Variants in KIF6 observed in about 807,000 individuals in gnomAD.
KIF6 encodes the protein kinesin-like protein KIF6.
In KIF6, 106 loss-of-function variants were observed where a neutral mutation model predicts 112.7. That is an observed-to-expected ratio of 0.94 (90% CI 0.80 to 1.11). The LOEUF (loss-of-function observed/expected upper bound fraction) is 1.11, where lower values mean the gene tolerates loss of function less well. Among genes scored for constraint, KIF6 ranks in the 50% least tolerant of loss-of-function variants. The pLI, the probability that KIF6 is intolerant of heterozygous loss-of-function variation, is 0.00. For missense variants in KIF6, 929 were observed against 964.0 expected, an observed-to-expected ratio of 0.96 and a Z score of 0.48; for synonymous variants, 339 against 339.9, an observed-to-expected ratio of 1.00 and a Z score of 0.03.
chr6:39,661,971 G>C (rs1786174337), intron 3 of KIF6, among the ~76,000 whole-genome samples: 1 of 152,056 alleles, frequency 6.6e-6, no homozygotes, highest in Admixed American at 6.6e-5. Context: ...AATTGTACTG[G>C]AGACCTTGGC....
In KIF6 at chr6:39,342,740, G is replaced by A. The variant is rs1209714059; in HGVS notation, c.2428+969C>T. 1.2e-5 allele frequency: 12 copies of A among 963,888 alleles called. No homozygotes were observed. The South Asian group carries it at 3.8e-4, about 31-fold the overall frequency. The allele number at this position is 963,888 out of a possible 1,614,324, so 59.7% of individuals were successfully genotyped here. ...TGCTGAGGCTGCTGGTCCTGGTGGT[G>A]AAGAGAGGATAGTAAATAAGCAGGC... On this transcript the variant is annotated intron_variant, in intron 22 of 22. Transcript: ENST00000287152. The surrounding 1 kb of genome is among the most constrained non-coding windows in gnomAD (Gnocchi z 4.7).
intron 18 of KIF6, among the ~76,000 whole-genome samples, chr6:39,358,292 T>C (rs1764867150): frequency 6.6e-6 from 1 of 152,240 alleles, no homozygotes; most frequent in African/African-American, 2.4e-5. Flanking sequence ...GTCACCTCTC[T>C]TGTTCTAATG....
intron 13 of KIF6, among the ~76,000 whole-genome samples, chr6:39,481,229 A>AATGTGTTC (rs1192917076): frequency 6.6e-6 from 1 of 152,182 alleles, no homozygotes; most frequent in Non-Finnish European, 1.5e-5. Flanking sequence ...GGAAATAATG[A>AATGTGTTC]ATGTGTTCAG....
chr6:39,700,850 C>T (rs1187764256), intron 3 of KIF6, among the ~76,000 whole-genome samples: 1 of 151,974 alleles, frequency 6.6e-6, no homozygotes, highest in African/African-American at 2.4e-5. Context: ...GTAGCTGGGA[C>T]TACAGGCACA....
chr6:39,596,902 A>G (rs1782302878), intron 6 of KIF6, among the ~76,000 whole-genome samples: 1 of 152,206 alleles, frequency 6.6e-6, no homozygotes, highest in South Asian at 2.1e-4. Flanking sequence ...AGATGAATAT[A>G]TAAAATCAAT....
chr6:39,396,886 G>A (rs559097340), intron 15 of KIF6, among the ~76,000 whole-genome samples: 2 of 152,160 alleles, frequency 1.3e-5, no homozygotes, highest in Non-Finnish European at 2.9e-5. Context: ...TATTGCAATT[G>A]TTTCTAAGGT....
At chr6:39,505,788 C>T (rs933205831) in intron 13 of KIF6, among the ~76,000 whole-genome samples, 7 of 152,126 alleles carry the variant, frequency 4.6e-5, no homozygotes, top group African/African-American at 1.7e-4. Flanking sequence ...AAATGCAGAT[C>T]AAAACCACAA....
At chr6:39,475,204 G>A (rs1390210064) in intron 13 of KIF6, among the ~76,000 whole-genome samples, 2 of 152,156 alleles carry the variant, frequency 1.3e-5, no homozygotes, top group African/African-American at 2.4e-5. Flanking sequence ...AATGGGGAGT[G>A]GGTGGAGATG....
At chr6:39,430,728 C>A (rs1771093651) in intron 14 of KIF6, among the ~76,000 whole-genome samples, 1 of 152,118 alleles carries the variant, frequency 6.6e-6, no homozygotes, top group Non-Finnish European at 1.5e-5. Context: ...AGACTTTTTC[C>A]CCCCTCCTTT....
chr6:39,517,253 A>G (rs1315478717), intron 13 of KIF6, among the ~76,000 whole-genome samples: 7 of 152,194 alleles, frequency 4.6e-5, no homozygotes, highest in Admixed American at 4.6e-4. Flanking sequence ...AGGGGAAAAG[A>G]AGGATATTTT....
At chr6:39,458,079 C>T (rs370561308) in intron 13 of KIF6, among the ~76,000 whole-genome samples, 2 of 151,924 alleles carry the variant, frequency 1.3e-5, no homozygotes, top group East Asian at 1.9e-4. Flanking sequence ...AAAAGAGAAT[C>T]TTAGACCAAT....
In KIF6 at chr6:39,532,619, G is replaced by A. The variant is rs538986564; in HGVS notation, c.1645+7384C>T. Among the ~76,000 whole-genome samples the A allele has an allele frequency of 7.9e-5, 12 of 152,194 alleles. No homozygotes were observed. The East Asian group carries it at 2.3e-3, about 29-fold the overall frequency. On this transcript the variant is annotated intron_variant, in intron 13 of 22. Transcript: ENST00000287152. ...TTGCTGAAAAAATATTCAAAGCAAG[G>A]AGAAATGGAATTAAGAGATAAAGAA... is the stretch of plus-strand genomic sequence containing the variant.
intron 13 of KIF6, among the ~76,000 whole-genome samples, chr6:39,433,381 C>T (rs1162261350): frequency 1.3e-5 from 2 of 152,156 alleles, no homozygotes; most frequent in South Asian, 2.1e-4. Flanking sequence ...CTAAGAAATT[C>T]GGGGCCAGCA....
chr6:39,435,621 T>C (rs981949064), intron 13 of KIF6, among the ~76,000 whole-genome samples: 5 of 151,944 alleles, frequency 3.3e-5, no homozygotes, highest in African/African-American at 1.2e-4. Context: ...AGTGAGAATA[T>C]GTGGTATTTT....
intron 3 of KIF6, among the ~76,000 whole-genome samples, chr6:39,680,627 CAGTT>C (rs1787458189): frequency 2.0e-5 from 3 of 152,166 alleles, no homozygotes; most frequent in Non-Finnish European, 2.9e-5. Context: ...AGAGAGAATG[CAGTT>C]TAACAGGCAG....
At chr6:39,570,788 C>G (rs564700392) in intron 10 of KIF6, among the ~76,000 whole-genome samples, 15 of 152,272 alleles carry the variant, frequency 9.9e-5, no homozygotes, top group African/African-American at 2.6e-4. Flanking sequence ...GCCTGCTTCT[C>G]CTTTGCTTTC....
chr6:39,507,033 C>A (rs1483236648), intron 13 of KIF6, among the ~76,000 whole-genome samples: 1 of 152,136 alleles, frequency 6.6e-6, no homozygotes, highest in Non-Finnish European at 1.5e-5. Context: ...AGTGAAGTAA[C>A]TTCTTGAGTT....
intron 16 of KIF6, among the ~76,000 whole-genome samples, chr6:39,376,828 T>C (rs1399536965): frequency 6.6e-6 from 1 of 152,134 alleles, no homozygotes; most frequent in African/African-American, 2.4e-5. Flanking sequence ...AGAAAGAAGA[T>C]ATATTAAAAG....
intron 3 of KIF6, among the ~76,000 whole-genome samples, chr6:39,665,021 G>A (rs889385545): frequency 6.6e-6 from 1 of 152,162 alleles, no homozygotes; most frequent in African/African-American, 2.4e-5. Flanking sequence ...GACAGTTGCA[G>A]AGTATGAAGT....
Sources: gnomAD v4.1 joint callset for allele counts (sites outside exome capture counted in the v4.1 genomes callset) on GRCh38, gnomAD v4.1.1 for gene constraint, Gnocchi (gnomAD v3.1) non-coding constraint, MANE v1.5 for transcripts, NCBI Gene and HGNC (gene_info 2026-07-23, HGNC 2026-07-21) for gene names.